LRP1B: variants seen among roughly 807,000 people sequenced by gnomAD.
LRP1B encodes the protein LDL receptor related protein 1B, also known as low-density lipoprotein receptor-related protein 1B.
A neutral mutation model predicts 556.6 loss-of-function variants in LRP1B; 217 were observed. That is an observed-to-expected ratio of 0.39 (90% CI 0.35 to 0.44). The LOEUF is 0.44. LRP1B is among the 20% of genes least tolerant of loss of function. LRP1B has a pLI of 1.00. For synonymous variants in LRP1B, 2,047 were observed against 1,865.8 expected, an observed-to-expected ratio of 1.10 and a Z score of -2.50; for missense variants, 5,053 against 5,620.8, an observed-to-expected ratio of 0.90 and a Z score of 3.23.
intron 66 of LRP1B, among the ~76,000 whole-genome samples, chr2:140,391,845 A>ATTT (rs1421087450): frequency 6.6e-6 from 1 of 152,168 alleles, no homozygotes; most frequent in Non-Finnish European, 1.5e-5. Flanking sequence ...ATTCTGTTTC[A>ATTT]TAATTAAAAT....
At chr2:141,672,331 CTTGAGGGTCCCAGGGCA>C (rs781291701) in intron 2 of LRP1B, among the ~76,000 whole-genome samples, 9 of 152,030 alleles carry the variant, frequency 5.9e-5, no homozygotes, top group Non-Finnish European at 1.3e-4. Flanking sequence ...AGTGGGAGAG[CTTGAGGGTCCCAGGGCA>C]TTGTGCAGTA....
intron 2 of LRP1B, among the ~76,000 whole-genome samples, chr2:141,500,102 A>AG (rs1375781171): frequency 6.6e-6 from 1 of 152,112 alleles, no homozygotes; most frequent in Non-Finnish European, 1.5e-5. Context: ...TATTAGGAAG[A>AG]GGGGGATGTC....
chr2:141,420,908 T>C (rs1002640955), intron 3 of LRP1B, among the ~76,000 whole-genome samples: 3 of 152,206 alleles, frequency 2.0e-5, no homozygotes, highest in East Asian at 3.9e-4. Context: ...CTTGGTGCAC[T>C]CTTCTTTTTC....
At chr2:141,952,182 A>AT (rs1334439522) in intron 1 of LRP1B, among the ~76,000 whole-genome samples, 7 of 126,656 alleles carry the variant, frequency 5.5e-5, no homozygotes, top group Non-Finnish European at 1.1e-4. Context: ...ACATGAATTC[A>AT]TCCTTTTTTT....
chr2:141,725,869 A>T (rs184054762), intron 2 of LRP1B, among the ~76,000 whole-genome samples: 12 of 151,966 alleles, frequency 7.9e-5, no homozygotes, highest in Non-Finnish European at 1.5e-4. Context: ...TGTTTTTAAA[A>T]ATCTGTAATA....
intron 41 of LRP1B, among the ~76,000 whole-genome samples, chr2:140,678,883 T>G (rs539596043): frequency 1.3e-5 from 2 of 152,016 alleles, no homozygotes; most frequent in East Asian, 3.9e-4. Context: ...GTTCAAGCGA[T>G]TCACCTGCCT....
intron 2 of LRP1B, among the ~76,000 whole-genome samples, chr2:141,588,555 G>T (rs1237818388): frequency 6.6e-6 from 1 of 152,110 alleles, no homozygotes; most frequent in Non-Finnish European, 1.5e-5. Flanking sequence ...CCAGCAGCAA[G>T]CTAAAGGAAA....
In LRP1B at chr2:140,702,228, C is replaced by T. The variant is rs756986597; in HGVS notation, c.6215G>A (p.Gly2072Glu). 4 of 1,613,654 alleles carry T rather than the reference C, an allele frequency of 2.5e-6. No individual in the cohort carries two copies. In the African/African-American group the frequency reaches 5.3e-5, roughly 22 times the overall value. ...TGACAGCACCATCTCGCGATTCCCT[C>T]CAGTCTCAAGGTCGATTCTCTCTAT... ...DKIERIDLET[G>E]GNREMVLSGS... is the part of the protein sequence containing the mutation. Residue 2072 changes from glycine to glutamate, a missense_variant, in exon 39 of 91, where the codon GGA becomes GAA. This residue lies in a region of LRP1B where 3,619 missense variants were observed against 3,931.9 expected (regional missense o/e 0.92). Coordinates refer to ENST00000389484, the MANE Select transcript of LRP1B (RefSeq NM_018557.3).
chr2:140,477,098 C>T (rs1688007934), intron 59 of LRP1B, among the ~76,000 whole-genome samples: 1 of 151,900 alleles, frequency 6.6e-6, no homozygotes, highest in African/African-American at 2.4e-5. Context: ...GGAGAAGTAC[C>T]TTGTTGCCTA....
chr2:141,943,429 C>A (rs894286303), intron 1 of LRP1B, among the ~76,000 whole-genome samples: 1 of 152,128 alleles, frequency 6.6e-6, no homozygotes, highest in African/African-American at 2.4e-5. Context: ...TAAATGGATT[C>A]ACATTAGGGT....
At chr2:141,232,570 A>G (rs1184287731) in intron 5 of LRP1B, among the ~76,000 whole-genome samples, 2 of 152,224 alleles carry the variant, frequency 1.3e-5, no homozygotes, top group African/African-American at 4.8e-5. Context: ...CATGGTTAAC[A>G]CAGGCAATGC....
In LRP1B at chr2:140,785,898, TCTCCTAGA is replaced by T. The variant is rs554619008; in HGVS notation, c.5360-9668_5360-9661del. On this transcript the variant is annotated intron_variant, in intron 32 of 90. Transcript: ENST00000389484. ...TTTTTCCCTCTCCACCTCGATTGCT[TCTCCTAGA>T]CCCCAGTCTAAATTGCCCACTTAAC... is the stretch of plus-strand genomic sequence containing the variant. 1.4e-4 allele frequency among the ~76,000 whole-genome samples: 22 copies of T among 152,262 alleles called. No homozygotes were observed. In the South Asian group the frequency reaches 4.1e-3, roughly 29 times the overall value.
At chr2:141,205,568 T>C (rs2105236335) in intron 6 of LRP1B, among the ~76,000 whole-genome samples, 1 of 152,322 alleles carries the variant, frequency 6.6e-6, no homozygotes, top group Admixed American at 6.5e-5. Flanking sequence ...TAATTCCCCA[T>C]GGCATTTTGC....
chr2:141,678,468 G>A (rs1690971754), intron 2 of LRP1B, among the ~76,000 whole-genome samples: 1 of 152,098 alleles, frequency 6.6e-6, no homozygotes, highest in South Asian at 2.1e-4. Context: ...TTGCCAACAA[G>A]TCAATTAAGA....
intron 20 of LRP1B, among the ~76,000 whole-genome samples, chr2:140,924,388 A>G (rs773022466): frequency 5.9e-5 from 9 of 152,152 alleles, no homozygotes; most frequent in South Asian, 2.1e-4. Flanking sequence ...GTTATTTTCT[A>G]TAATATAAAT....
intron 6 of LRP1B, among the ~76,000 whole-genome samples, chr2:141,192,733 G>A (rs1681573150): frequency 6.6e-6 from 1 of 151,574 alleles, no homozygotes; most frequent in African/African-American, 2.4e-5. Flanking sequence ...TCATCTGAAA[G>A]TACTGACCAC....
intron 3 of LRP1B, among the ~76,000 whole-genome samples, chr2:141,269,381 C>CA (rs1484648401): frequency 2.6e-5 from 4 of 151,988 alleles, no homozygotes; most frequent in Admixed American, 6.6e-5. Flanking sequence ...GCAATTTATG[C>CA]AAAAAAGCAT....
chr2:141,729,913 C>G (rs1266409640), intron 2 of LRP1B, among the ~76,000 whole-genome samples: 1 of 152,038 alleles, frequency 6.6e-6, no homozygotes, highest in East Asian at 1.9e-4. Flanking sequence ...CTGCAAAGAG[C>G]TGAATGGGCC....
At chr2:142,065,429 C>T (rs966377041) in intron 1 of LRP1B, among the ~76,000 whole-genome samples, 2 of 151,034 alleles carry the variant, frequency 1.3e-5, no homozygotes, top group African/African-American at 4.8e-5. Flanking sequence ...TGCTTGGCCT[C>T]ATTCTGATCT....
Sources: allele counts gnomAD v4.1 joint callset (sites outside exome capture counted in the v4.1 genomes callset), GRCh38; gene constraint gnomAD v4.1.1; regional missense constraint gnomAD v4.1.1; transcripts MANE v1.5; gene names NCBI Gene and HGNC (gene_info 2026-07-23, HGNC 2026-07-21).